Variants in NSMCE2 observed in about 807,000 individuals in gnomAD.
The protein encoded by NSMCE2 is E3 SUMO-protein ligase NSE2.
In NSMCE2, 24 loss-of-function variants were observed where a neutral mutation model predicts 23.8. The observed-to-expected ratio is 1.01, with a 90% CI of 0.73 to 1.42. The LOEUF (loss-of-function observed/expected upper bound fraction) is 1.42, where lower values mean the gene tolerates loss of function less well. Among genes scored for constraint, NSMCE2 ranks in the 40% most tolerant of loss-of-function variants. The pLI is 0.00. For missense variants in NSMCE2, 284 were observed against 296.5 expected (o/e 0.96, Z 0.31); for synonymous variants, 92 against 94.1 (o/e 0.98, Z 0.13).
In NSMCE2 at chr8:125,320,313, GGGAA is replaced by G. The variant is rs1168226546; in HGVS notation, c.419-36899_419-36896del. Among the ~76,000 whole-genome samples, 15 of 118,384 alleles carry G rather than the reference GGGAA, an allele frequency of 1.3e-4. 1 individual carries two copies. Among genetic ancestry groups the G allele is most frequent in the Admixed American group, 7.7e-4 (8 of 10,440 alleles). 77.7% of individuals were successfully genotyped at this position (118,384 alleles called of 152,430 possible). A position where few individuals can be genotyped will look rare whatever the true frequency, so the allele number is the denominator to read the frequency against. ...GGAAGGAAGGAAGGAAGGAAGGGAA[GGGAA>G]GGAAGGGAAGGAAGGCAGGCTGAAA... On this transcript the variant is annotated intron_variant, in intron 5 of 7. Transcript: ENST00000287437.
intron 3 of NSMCE2, among the ~76,000 whole-genome samples, chr8:125,108,601 A>C (rs1485710511): frequency 6.6e-6 from 1 of 152,212 alleles, no homozygotes; most frequent in Admixed American, 6.5e-5. Flanking sequence ...AATATATGCT[A>C]AGTGCTCTCA....
chr8:125,129,534 A>G (rs2130550824), intron 3 of NSMCE2, among the ~76,000 whole-genome samples: 1 of 142,012 alleles, frequency 7.0e-6, no homozygotes, highest in African/African-American at 2.7e-5. Flanking sequence ...TGTTAGGAAA[A>G]GATTTGGCTC....
intron 5 of NSMCE2, among the ~76,000 whole-genome samples, chr8:125,243,694 A>G (rs1341766376): frequency 6.6e-6 from 1 of 152,176 alleles, no homozygotes; most frequent in African/African-American, 2.4e-5. Context: ...AAGCATCCAG[A>G]TGTGTGAGAG....
chr8:125,169,111 T>A (rs1197947747), intron 4 of NSMCE2, among the ~76,000 whole-genome samples: 1 of 152,206 alleles, frequency 6.6e-6, no homozygotes, highest in Admixed American at 6.5e-5. Flanking sequence ...ATTTTTATTT[T>A]CCCCTGACTT....
At chr8:125,324,934 G>A (rs1829602456) in intron 5 of NSMCE2, among the ~76,000 whole-genome samples, 1 of 116,678 alleles carries the variant, frequency 8.6e-6, no homozygotes. Flanking sequence ...CAGATCAGTT[G>A]TGTTGGAGTG....
chr8:125,135,272 A>G (rs55839055), intron 3 of NSMCE2, among the ~76,000 whole-genome samples: 15,038 of 152,142 alleles, frequency 0.099, 955 homozygotes, highest in South Asian at 0.17. Context: ...GTTGGTCTCA[A>G]ATTCCTGGCC....
intron 4 of NSMCE2, among the ~76,000 whole-genome samples, chr8:125,163,104 C>T (rs558616655): frequency 1.3e-5 from 2 of 152,256 alleles, no homozygotes; most frequent in Non-Finnish European, 2.9e-5. Context: ...TGGTGGCTCA[C>T]ACTTGTAATC....
chr8:125,256,072 A>G (rs927780797), intron 5 of NSMCE2, among the ~76,000 whole-genome samples: 3 of 152,092 alleles, frequency 2.0e-5, no homozygotes, highest in African/African-American at 4.8e-5. Context: ...TCACAAGGTC[A>G]AGAGATCAAG....
intron 5 of NSMCE2, among the ~76,000 whole-genome samples, chr8:125,185,495 G>T (rs972281218): frequency 6.6e-6 from 1 of 152,040 alleles, no homozygotes; most frequent in Middle Eastern, 3.4e-3. Context: ...TGGTAGAGAC[G>T]AGGTTTTGCC....
intron 5 of NSMCE2, among the ~76,000 whole-genome samples, chr8:125,350,534 A>G (rs1473240348): frequency 6.6e-6 from 1 of 152,234 alleles, no homozygotes; most frequent in Non-Finnish European, 1.5e-5. Context: ...GAGACTGGCA[A>G]GAAAAAGAGG....
chr8:125,272,401 T>A (rs1303072663), intron 5 of NSMCE2, among the ~76,000 whole-genome samples: 1 of 151,180 alleles, frequency 6.6e-6, no homozygotes, highest in Non-Finnish European at 1.5e-5. Context: ...ACTTACTTAT[T>A]CAAAAATCTC....
intron 5 of NSMCE2, among the ~76,000 whole-genome samples, chr8:125,211,456 T>A (rs960503232): frequency 1.2e-4 from 18 of 152,210 alleles, no homozygotes; most frequent in Admixed American, 1.0e-3. Flanking sequence ...TTTTAATGGC[T>A]ATATAAAATA....
intron 3 of NSMCE2, among the ~76,000 whole-genome samples, chr8:125,139,893 G>T (rs978045693): frequency 3.3e-5 from 5 of 152,216 alleles, no homozygotes; most frequent in Non-Finnish European, 7.3e-5. Context: ...AGAGCACAGA[G>T]ATACAATTTT....
chr8:125,364,089 A>G (rs956622411), intron 7 of NSMCE2, among the ~76,000 whole-genome samples: 1 of 151,978 alleles, frequency 6.6e-6, no homozygotes, highest in African/African-American at 2.4e-5. Context: ...GATTACAGGC[A>G]TGCGCCACCA....
At chr8:125,100,955 G>GC (rs1818157912) in intron 1 of NSMCE2, among the ~76,000 whole-genome samples, 1 of 152,204 alleles carries the variant, frequency 6.6e-6, no homozygotes, top group Non-Finnish European at 1.5e-5. Context: ...AAAGGAGAGT[G>GC]TCTTAAGAGT....
At chr8:125,195,092 G>A (rs996707090) in intron 5 of NSMCE2, among the ~76,000 whole-genome samples, 12 of 152,214 alleles carry the variant, frequency 7.9e-5, no homozygotes, top group East Asian at 7.7e-4. Context: ...AACTGGGAGA[G>A]TAAGACTGAA....
At chr8:125,217,014 G>A (rs1024058111) in intron 5 of NSMCE2, among the ~76,000 whole-genome samples, 1 of 152,142 alleles carries the variant, frequency 6.6e-6, no homozygotes, top group Non-Finnish European at 1.5e-5. Context: ...GTTATATATT[G>A]CATCCATTTA....
In NSMCE2 at chr8:125,182,308, CTTGA is replaced by C. The variant is rs781657914; in HGVS notation, c.418+54_418+57del. On this transcript the variant is annotated intron_variant, in intron 5 of 7. Transcript: ENST00000287437. Reference sequence around the variant, plus strand: ...CGGCTTTTTGAAATTAGGGAACTGACTTGATGAACAGCCCCAGTTAACTGATTTT... The same window carrying C: ...CGGCTTTTTGAAATTAGGGAACTGACTGAACAGCCCCAGTTAACTGATTTT... 9.3e-5 allele frequency: 126 copies of C among 1,353,598 alleles called. No homozygotes were observed. The East Asian group carries it at 2.9e-3, about 31-fold the overall frequency. The allele number at this position is 1,353,598 out of a possible 1,614,324, so 83.8% of individuals were successfully genotyped here. A position where few individuals can be genotyped will look rare whatever the true frequency, so the allele number is the denominator to read the frequency against.
At chr8:125,103,791 T>G (rs1818316399) in intron 3 of NSMCE2, among the ~76,000 whole-genome samples, 1 of 152,156 alleles carries the variant, frequency 6.6e-6, no homozygotes, top group Non-Finnish European at 1.5e-5. Flanking sequence ...AGTTACTGTA[T>G]TTTTAATTGT....
Sources: gnomAD v4.1 joint callset for allele counts (sites outside exome capture counted in the v4.1 genomes callset) on GRCh38, gnomAD v4.1.1 for gene constraint, MANE v1.5 for transcripts, NCBI Gene and HGNC (gene_info 2026-07-23, HGNC 2026-07-21) for gene names.